Variants in TTC28 observed in about 807,000 individuals in gnomAD.
TTC28 encodes tetratricopeptide repeat domain 28.
TTC28 carries 61 observed loss-of-function variants against 198.0 expected under a neutral mutation model. The ratio of observed to expected loss-of-function variants is 0.31; its 90% CI spans 0.25 to 0.38. The LOEUF (loss-of-function observed/expected upper bound fraction) is 0.38, where lower values mean the gene tolerates loss of function less well. Among genes scored for constraint, TTC28 ranks in the 10% least tolerant of loss-of-function variants. The pLI, the probability that TTC28 is intolerant of heterozygous loss-of-function variation, is 1.00. For missense variants in TTC28, 2,678 were observed against 3,164.0 expected (o/e 0.85, Z 3.69); for synonymous variants, 1,171 against 1,297.8 (o/e 0.90, Z 2.10).
At chr22:28,433,783 GTGTT>G in intron 2 of TTC28, among the ~76,000 whole-genome samples, 1 of 152,140 alleles carries the variant, frequency 6.6e-6, no homozygotes, top group Non-Finnish European at 1.5e-5. Flanking sequence ...TGTATTGTGT[GTGTT>G]TGTTTGAATA....
At chr22:28,266,839 T>A (rs1222053598) in intron 5 of TTC28, among the ~76,000 whole-genome samples, 1 of 152,160 alleles carries the variant, frequency 6.6e-6, no homozygotes, top group South Asian at 2.1e-4. Flanking sequence ...ATAAAACTGA[T>A]ACAATGACCA....
At chr22:28,095,597 T>A (rs1363482654) in intron 11 of TTC28, among the ~76,000 whole-genome samples, 2 of 152,226 alleles carry the variant, frequency 1.3e-5, no homozygotes, top group Admixed American at 1.3e-4. Context: ...AATATGGCCC[T>A]AACAGCTAAT....
At chr22:28,084,383 T>A (rs1941481416) in intron 12 of TTC28, among the ~76,000 whole-genome samples, 1 of 152,210 alleles carries the variant, frequency 6.6e-6, no homozygotes, top group Admixed American at 6.5e-5. Flanking sequence ...CCACCGCTGC[T>A]GATACCCAGG....
intron 12 of TTC28, among the ~76,000 whole-genome samples, chr22:28,058,799 A>G (rs1330688776): frequency 6.6e-6 from 1 of 152,024 alleles, no homozygotes; most frequent in Non-Finnish European, 1.5e-5. Context: ...AGGGCTATTC[A>G]TATTTTGCTT....
chr22:28,375,121 A>T (rs1029352087), intron 2 of TTC28, among the ~76,000 whole-genome samples: 3 of 151,990 alleles, frequency 2.0e-5, no homozygotes, highest in Non-Finnish European at 4.4e-5. Flanking sequence ...ATAATAATAG[A>T]AGAAGAAAGA....
chr22:28,192,279 C>A (rs921928477), intron 5 of TTC28, among the ~76,000 whole-genome samples: 2 of 152,064 alleles, frequency 1.3e-5, no homozygotes, highest in South Asian at 2.1e-4. Flanking sequence ...CACACCAAAA[C>A]CCCATCTGTA....
At chr22:28,483,027 C>T (rs904793965) in intron 2 of TTC28, among the ~76,000 whole-genome samples, 2 of 152,188 alleles carry the variant, frequency 1.3e-5, no homozygotes, top group South Asian at 2.1e-4. Flanking sequence ...TGTTACTATG[C>T]TATATATTTG....
intron 5 of TTC28, among the ~76,000 whole-genome samples, chr22:28,240,991 C>T (rs1178196803): frequency 1.3e-5 from 2 of 152,042 alleles, no homozygotes; most frequent in African/African-American, 2.4e-5. Flanking sequence ...GGTAAAACAT[C>T]AATATAGAAG....
At chr22:28,207,899 G>C (rs887361666) in intron 5 of TTC28, among the ~76,000 whole-genome samples, 1 of 152,030 alleles carries the variant, frequency 6.6e-6, no homozygotes, top group Middle Eastern at 3.2e-3. Flanking sequence ...TGGAGTATGA[G>C]GTACTCAATA....
At chr22:28,333,826 A>G (rs1406177502) in intron 2 of TTC28, among the ~76,000 whole-genome samples, 1 of 151,936 alleles carries the variant, frequency 6.6e-6, no homozygotes, top group African/African-American at 2.4e-5. Context: ...ACACCTAAGG[A>G]AAAAAAATCA....
At chr22:28,305,038 G>C (rs1053888955) in intron 3 of TTC28, among the ~76,000 whole-genome samples, 2 of 151,716 alleles carry the variant, frequency 1.3e-5, no homozygotes, top group African/African-American at 4.8e-5. Context: ...ACCCAGGCTG[G>C]AGTGCAGTGG....
intron 6 of TTC28, among the ~76,000 whole-genome samples, chr22:28,116,037 C>T (rs1942618419): frequency 6.6e-6 from 1 of 152,182 alleles, no homozygotes; most frequent in African/African-American, 2.4e-5. Flanking sequence ...TATTTATTTG[C>T]TATACATTTA....
intron 2 of TTC28, among the ~76,000 whole-genome samples, chr22:28,426,419 G>A (rs1174348609): frequency 2.0e-5 from 3 of 152,002 alleles, no homozygotes; most frequent in African/African-American, 7.3e-5. Flanking sequence ...ACAAAGTCAG[G>A]CTTACATAGT....
At chr22:28,023,876 C>T (rs371652874) in intron 13 of TTC28, among the ~76,000 whole-genome samples, 4 of 152,272 alleles carry the variant, frequency 2.6e-5, no homozygotes, top group African/African-American at 9.6e-5. Context: ...CTCTAAGCCT[C>T]GGTGTCATCA....
At chr22:28,330,768 C>G (rs2045601982) in intron 2 of TTC28, among the ~76,000 whole-genome samples, 1 of 152,058 alleles carries the variant, frequency 6.6e-6, no homozygotes, top group Non-Finnish European at 1.5e-5. Context: ...TAATTAATAG[C>G]AGTCAAAAAG....
At chr22:28,541,272 C>G (rs1035373046) in intron 2 of TTC28, among the ~76,000 whole-genome samples, 4 of 152,132 alleles carry the variant, frequency 2.6e-5, no homozygotes, top group South Asian at 4.1e-4. Flanking sequence ...GAATTTAGCC[C>G]CATGATTGCC....
chr22:28,586,017 A>T (rs1336499245), intron 2 of TTC28, among the ~76,000 whole-genome samples: 1 of 151,942 alleles, frequency 6.6e-6, no homozygotes, highest in Admixed American at 6.6e-5. Flanking sequence ...GCGGTGGCTC[A>T]TGCCTGTAAT....
At chr22:28,071,155 T>C (rs1940951932) in intron 12 of TTC28, among the ~76,000 whole-genome samples, 1 of 152,082 alleles carries the variant, frequency 6.6e-6, no homozygotes, top group Non-Finnish European at 1.5e-5. Context: ...GAAAATGATG[T>C]GTTATCTCCT....
intron 12 of TTC28, among the ~76,000 whole-genome samples, chr22:28,060,472 A>G (rs974053901): frequency 6.6e-6 from 1 of 152,220 alleles, no homozygotes; most frequent in Non-Finnish European, 1.5e-5. Context: ...TATATGTGCC[A>G]CATTTTCTTA....
Sources: gnomAD v4.1 joint callset for allele counts (sites outside exome capture counted in the v4.1 genomes callset) on GRCh38, gnomAD v4.1.1 for gene constraint, MANE v1.5 for transcripts, NCBI Gene and HGNC (gene_info 2026-07-23, HGNC 2026-07-21) for gene names.